GPR161: variants seen among roughly 807,000 people sequenced by gnomAD.
The protein encoded by GPR161 is G protein-coupled receptor 161, also known as G-protein coupled receptor RE2.
A neutral mutation model predicts 39.2 loss-of-function variants in GPR161; 25 were observed. The ratio of observed to expected loss-of-function variants is 0.64; its 90% CI spans 0.47 to 0.89. GPR161 has a LOEUF of 0.89. Among genes scored for constraint, GPR161 ranks in the 40% least tolerant of loss-of-function variants. GPR161 has a pLI of 0.00. For synonymous variants in GPR161, 286 were observed against 276.6 expected (o/e 1.03, Z -0.34); for missense variants, 547 against 677.8 (o/e 0.81, Z 2.14).
Position 168,136,836 on chromosome 1 carries a change from G to A in GPR161, c.-142C>T, listed in dbSNP as rs1287742417. On this transcript the variant is annotated 5_prime_UTR_variant, in exon 1 of 6. Transcript: ENST00000682931. ...TTCCTTCCTCCCCGCCGCGCTCCGG[G>A]ACTGGAGGTTTCGGGTTTCAGCCCA... The A allele has an allele frequency of 1.0e-6, 1 of 983,678 alleles. No individual in the cohort carries two copies. The highest frequency in any genetic ancestry group is 1.2e-6 in the Non-Finnish European group (1 of 829,382). The allele number at this position is 983,678 out of a possible 1,614,324, so 60.9% of individuals were successfully genotyped here.
chr1:168,113,654 T>C (rs1191134456), intron 1 of GPR161, among the ~76,000 whole-genome samples: 6 of 152,126 alleles, frequency 3.9e-5, no homozygotes, highest in Non-Finnish European at 5.9e-5. Context: ...TATGTACACA[T>C]AAAAAAGAAC....
intron 2 of GPR161, among the ~76,000 whole-genome samples, chr1:168,101,264 T>A (rs1333565899): frequency 6.6e-6 from 1 of 152,242 alleles, no homozygotes; most frequent in African/African-American, 2.4e-5. Flanking sequence ...TATCTCCTAA[T>A]GCAGCCAGTT....
chr1:168,104,079 C>T (rs1011117621), intron 2 of GPR161, among the ~76,000 whole-genome samples: 11 of 152,226 alleles, frequency 7.2e-5, no homozygotes, highest in African/African-American at 2.2e-4. Context: ...GTTCCCTGTT[C>T]GGGCTGCACT....
At chr1:168,132,999 C>T (rs2102269981) in intron 1 of GPR161, among the ~76,000 whole-genome samples, 1 of 152,334 alleles carries the variant, frequency 6.6e-6, no homozygotes, top group East Asian at 1.9e-4. Flanking sequence ...CCTGCCTCGG[C>T]CTCCCAAAAT....
In GPR161 at chr1:168,090,725, G is replaced by C. The variant is rs1367832356; in HGVS notation, c.1100-57C>G. On this transcript the variant is annotated intron_variant, in intron 3 of 5. Transcript: ENST00000682931. Reference sequence around the variant, plus strand: ...TCACACTCTGCAAGGAGGGGCCCCAGCCTCCGTTTCCCCACAGACCCATCT... The same window carrying C: ...TCACACTCTGCAAGGAGGGGCCCCACCCTCCGTTTCCCCACAGACCCATCT... 68 of 897,814 alleles carry C rather than the reference G, an allele frequency of 7.6e-5. 1 individual carries two copies. In the Admixed American group the frequency reaches 1.5e-3, roughly 20 times the overall value. The allele number at this position is 897,814 out of a possible 1,614,324, so 55.6% of individuals were successfully genotyped here.
intron 2 of GPR161, among the ~76,000 whole-genome samples, chr1:168,102,631 T>C (rs919541975): frequency 2.6e-5 from 4 of 152,160 alleles, no homozygotes; most frequent in Middle Eastern, 3.2e-3. Flanking sequence ...TTCTCACTCA[T>C]CTAGACCCCA....
At chr1:168,128,095 A>G (rs941466559) in intron 1 of GPR161, among the ~76,000 whole-genome samples, 6 of 152,086 alleles carry the variant, frequency 3.9e-5, no homozygotes, top group Admixed American at 3.3e-4. Context: ...ATTTACCTCC[A>G]CCTGTAACTG....
At chr1:168,093,920 G>A (rs1331953681) in intron 3 of GPR161, among the ~76,000 whole-genome samples, 1 of 152,204 alleles carries the variant, frequency 6.6e-6, no homozygotes, top group Admixed American at 6.5e-5. Flanking sequence ...CTTCAGGGAA[G>A]AACAAGAAGA....
chr1:168,121,798 C>T (rs1490400137), intron 1 of GPR161, among the ~76,000 whole-genome samples: 4 of 152,202 alleles, frequency 2.6e-5, no homozygotes, highest in Non-Finnish European at 5.9e-5. Context: ...TCATTCCCTC[C>T]GTGGGAGAGG....
intron 3 of GPR161, among the ~76,000 whole-genome samples, chr1:168,095,143 G>A (rs1350958482): frequency 6.6e-6 from 1 of 152,196 alleles, no homozygotes; most frequent in Non-Finnish European, 1.5e-5. Context: ...GAAAGCATCA[G>A]ATGAACACAA....
At position 168,136,866 on chromosome 1, in the gene GPR161, G is replaced by A. The variant is rs1052715801; in HGVS notation, c.-172C>T. On this transcript the variant is annotated 5_prime_UTR_variant, in exon 1 of 6. Transcript: ENST00000682931. ...GAGGTTTCGGGTTTCAGCCCACCGA[G>A]CCCCGCTTCGCTCCTCCCGCGGGCC... The A allele has an allele frequency of 5.1e-6, 5 of 981,674 alleles. No homozygotes were observed. In the African/African-American group the frequency reaches 5.3e-5, roughly 10 times the overall value. The allele number at this position is 981,674 out of a possible 1,614,324, so 60.8% of individuals were successfully genotyped here. A position where few individuals can be genotyped will look rare whatever the true frequency, so the allele number is the denominator to read the frequency against.
intron 5 of GPR161, among the ~76,000 whole-genome samples, chr1:168,086,398 A>G (rs1694498189): frequency 6.6e-6 from 1 of 152,192 alleles, no homozygotes; most frequent in South Asian, 2.1e-4. Flanking sequence ...GTTCCCTGTT[A>G]TTATTAACTC....
chr1:168,090,189 A>G (rs1694916294), intron 4 of GPR161, among the ~76,000 whole-genome samples: 1 of 152,198 alleles, frequency 6.6e-6, no homozygotes. Flanking sequence ...CACAGCTCTT[A>G]AAAAGCCAAC....
rs561127207 is a variant in GPR161, at chr1:168,093,847, G to C, written c.1099+2661C>G. Among the ~76,000 whole-genome samples, 72 of 152,330 alleles carry C rather than the reference G, an allele frequency of 4.7e-4. 1 individual carries two copies. In the South Asian group the frequency reaches 0.014, roughly 30 times the overall value. ...GCAGGGTGAGCGGCTGGGCTGGGGC[G>C]CCACATTCTGCTTTGGTTCCCAGAC... On this transcript the variant is annotated intron_variant, in intron 3 of 5. Coordinates refer to ENST00000682931, the MANE Select transcript of GPR161 (RefSeq NM_001375883.1).
chr1:168,125,907 C>T (rs1381937533), intron 1 of GPR161, among the ~76,000 whole-genome samples: 2 of 152,186 alleles, frequency 1.3e-5, no homozygotes, highest in Non-Finnish European at 2.9e-5. Flanking sequence ...TGAGCCACCG[C>T]ACCCGGCCCT....
chr1:168,124,315 T>G (rs546163879), intron 1 of GPR161, among the ~76,000 whole-genome samples: 1 of 152,338 alleles, frequency 6.6e-6, no homozygotes, highest in East Asian at 1.9e-4. Context: ...AAATGCTCCA[T>G]TCTAGATAGC....
At position 168,104,648 on chromosome 1, in the gene GPR161, C is replaced by T. The variant is rs1696424342; in HGVS notation, c.203G>A (p.Ser68Asn). Residue 68 changes from serine to asparagine, a missense_variant, in exon 2 of 6, where the codon AGC (serine) becomes AAC (asparagine). Transcript: ENST00000682931. ...LLTLSNKFVF[S>N]LTLSNFLLSV... ...CAGCAGGAAGTTGGACAGAGTCAGG[C>T]TGAAGACGAACTTGTTGCTGAGGGT... The T allele has an allele frequency of 6.2e-7, 1 of 1,614,136 alleles. No homozygotes were observed. The highest frequency in any genetic ancestry group is 1.6e-4 in the Middle Eastern group (1 of 6,062).
At chr1:168,132,654 G>T in intron 1 of GPR161, among the ~76,000 whole-genome samples, 1 of 151,904 alleles carries the variant, frequency 6.6e-6, no homozygotes, top group East Asian at 1.9e-4. Flanking sequence ...AATGCCCTAT[G>T]TAGAACAGAG....
At position 168,098,892 on chromosome 1, in the gene GPR161, G is replaced by T. The variant is rs1695815357; in HGVS notation, c.375-1660C>A. The stretch of plus-strand genomic sequence containing the variant: ...CATGCCTTTGGAGCTGGAAATTCAA[G>T]TTCAGATGGAGGCTCTGATGTCTAT... On this transcript the variant is annotated intron_variant, in intron 2 of 5. Transcript: ENST00000682931. This position sits in a 1 kb window ranked among gnomAD's most constrained non-coding sequence, Gnocchi z 4.1. 6.6e-6 allele frequency among the ~76,000 whole-genome samples: 1 copy of T among 152,228 alleles called. No homozygotes were observed. The highest frequency in any genetic ancestry group is 2.4e-5 in the African/African-American group (1 of 41,446).
Sources: allele counts gnomAD v4.1 joint callset (sites outside exome capture counted in the v4.1 genomes callset), GRCh38; gene constraint gnomAD v4.1.1; non-coding constraint Gnocchi (gnomAD v3.1); transcripts MANE v1.5; gene names NCBI Gene and HGNC (gene_info 2026-07-23, HGNC 2026-07-21).